The following C12orf42 variants were observed in gnomAD, a reference collection of about 807,000 sequenced individuals.
The protein encoded by C12orf42 is chromosome 12 open reading frame 42, also known as uncharacterized protein C12orf42.
A neutral mutation model predicts 21.6 loss-of-function variants in C12orf42; 25 were observed. The observed-to-expected ratio is 1.16, with a 90% CI of 0.84 to 1.62. C12orf42 has a LOEUF of 1.62. Among genes scored for constraint, C12orf42 ranks in the 40% most tolerant of loss-of-function variants. The probability of loss-of-function intolerance (pLI) is 0.00; values close to 1 mark genes in which losing one functional copy is unlikely to be tolerated. For synonymous variants in C12orf42, 174 were observed against 175.0 expected, an observed-to-expected ratio of 0.99 and a Z score of 0.05; for missense variants, 483 against 459.3, an observed-to-expected ratio of 1.05 and a Z score of -0.47.
chr12:103,216,829 G>A, the C12orf42 span, among the ~76,000 whole-genome samples: 4 of 151,752 alleles, frequency 2.6e-5, no homozygotes, highest in Admixed American at 2.6e-4. Context: ...TGTAAGCCAA[G>A]ACCTAATTTC....
chr12:103,332,445 G>A (rs2041321328), intron 4 of C12orf42, among the ~76,000 whole-genome samples: 1 of 152,196 alleles, frequency 6.6e-6, no homozygotes, highest in African/African-American at 2.4e-5. Flanking sequence ...ACAGCACAGA[G>A]ATGCAGCTGA....
chr12:103,101,636 T>C, the C12orf42 span, among the ~76,000 whole-genome samples: 1 of 152,214 alleles, frequency 6.6e-6, no homozygotes, highest in Non-Finnish European at 1.5e-5. Flanking sequence ...CCACTGAACA[T>C]ACCTAAATGG....
chr12:103,121,385 G>C, the C12orf42 span, among the ~76,000 whole-genome samples: 3 of 152,192 alleles, frequency 2.0e-5, no homozygotes. Context: ...TTTCCTTGGG[G>C]CTTTGGAGTG....
chr12:103,435,000 T>C (rs1950572677), intron 2 of C12orf42, among the ~76,000 whole-genome samples: 1 of 152,198 alleles, frequency 6.6e-6, no homozygotes, highest in Non-Finnish European at 1.5e-5. Context: ...TAAATGTCCC[T>C]GTCTGACAGC....
the C12orf42 span, among the ~76,000 whole-genome samples, chr12:103,080,013 G>A: frequency 6.6e-6 from 1 of 152,160 alleles, no homozygotes; most frequent in African/African-American, 2.4e-5. Context: ...CGGCGGTAGA[G>A]TTGGCCTCCT....
the C12orf42 span, among the ~76,000 whole-genome samples, chr12:103,146,350 C>T: frequency 1.3e-5 from 2 of 150,916 alleles, no homozygotes; most frequent in East Asian, 3.9e-4. Context: ...TGTGGTGATG[C>T]ATGCCTGTAA....
chr12:103,412,249 T>A (rs150086672), intron 2 of C12orf42, among the ~76,000 whole-genome samples: 9 of 152,344 alleles, frequency 5.9e-5, no homozygotes, highest in African/African-American at 2.2e-4. Flanking sequence ...CCAAGCCCAT[T>A]TTTATTAAAC....
the C12orf42 span, among the ~76,000 whole-genome samples, chr12:103,141,549 G>A: frequency 7.8e-6 from 1 of 127,888 alleles, no homozygotes; most frequent in African/African-American, 3.2e-5. Context: ...TTTTTTTTGA[G>A]ACAGAGTTTT....
At chr12:103,048,937 A>T in the C12orf42 span, among the ~76,000 whole-genome samples, 1 of 152,092 alleles carries the variant, frequency 6.6e-6, no homozygotes, top group Non-Finnish European at 1.5e-5. Flanking sequence ...TTATCCCTCA[A>T]GTCACAATGG....
chr12:103,276,944 C>T (rs989895088), intron 5 of C12orf42, among the ~76,000 whole-genome samples: 4 of 151,974 alleles, frequency 2.6e-5, no homozygotes, highest in African/African-American at 9.7e-5. Flanking sequence ...GAGATTAGTG[C>T]TAGTTTTTGA....
chr12:103,052,944 G>T, the C12orf42 span, among the ~76,000 whole-genome samples: 1 of 151,968 alleles, frequency 6.6e-6, no homozygotes, highest in East Asian at 1.9e-4. Flanking sequence ...ACTTTGTGAT[G>T]AATTCAGTAG....
chr12:103,256,253 T>C (rs4433630), intron 10 of C12orf42, among the ~76,000 whole-genome samples: 82,520 of 147,420 alleles, frequency 0.56, 23,306 homozygotes, highest in East Asian at 0.7. Context: ...TAAATCCAAT[T>C]TAGAGATTCT....
intron 2 of C12orf42, among the ~76,000 whole-genome samples, chr12:103,476,279 A>C (rs899925369): frequency 6.6e-6 from 1 of 152,194 alleles, no homozygotes; most frequent in African/African-American, 2.4e-5. Context: ...AGAAAATGAG[A>C]CCACATACTA....
chr12:103,084,158 T>G, the C12orf42 span, among the ~76,000 whole-genome samples: 2 of 152,240 alleles, frequency 1.3e-5, no homozygotes, highest in Non-Finnish European at 2.9e-5. Flanking sequence ...GTTGACTATT[T>G]CTTGTGCATT....
chr12:103,359,939 G>A (rs2043936910), intron 4 of C12orf42, among the ~76,000 whole-genome samples: 1 of 151,458 alleles, frequency 6.6e-6, no homozygotes, highest in Admixed American at 6.6e-5. Flanking sequence ...TTTAACCCAT[G>A]ATCCTGCCCT....
the C12orf42 span, among the ~76,000 whole-genome samples, chr12:103,147,152 TTA>T: frequency 6.6e-6 from 1 of 152,166 alleles, no homozygotes; most frequent in African/African-American, 2.4e-5. Context: ...AATTAAGCCT[TTA>T]TAGTAGCTTT....
At chr12:103,526,567 T>A in the C12orf42 span, among the ~76,000 whole-genome samples, 1 of 152,178 alleles carries the variant, frequency 6.6e-6, no homozygotes, top group Non-Finnish European at 1.5e-5. Flanking sequence ...GGTTAAGTAA[T>A]TTTCCCAATA....
chr12:103,478,499 A>G, intron 1 of C12orf42, 52 bp from the exon 2 acceptor site: 1 of 832,656 alleles, frequency 1.2e-6, no homozygotes. Context: ...ATGCAATGAT[A>G]ATATTAGAGA....
At chr12:103,062,573 C>T in the C12orf42 span, among the ~76,000 whole-genome samples, 1 of 152,002 alleles carries the variant, frequency 6.6e-6, no homozygotes, top group African/African-American at 2.4e-5. Context: ...GCCATTATTT[C>T]TAATTATTTT....
Sources: gnomAD v4.1 joint callset for allele counts (sites outside exome capture counted in the v4.1 genomes callset) on GRCh38, gnomAD v4.1.1 for gene constraint, MANE v1.5 for transcripts, NCBI Gene and HGNC (gene_info 2026-07-23, HGNC 2026-07-21) for gene names.